Variants in PCDH15 observed in about 807,000 individuals in gnomAD.
PCDH15 encodes protocadherin-15.
A neutral mutation model predicts 178.5 loss-of-function variants in PCDH15; 129 were observed. The observed-to-expected ratio is 0.72, with a 90% CI of 0.63 to 0.84. PCDH15 has a LOEUF of 0.84. Ranked by LOEUF, PCDH15 falls within the 40% of genes least tolerant of loss-of-function variation. The pLI is 0.00. For missense variants in PCDH15, 2,230 were observed against 2,099.9 expected, an observed-to-expected ratio of 1.06 and a Z score of -1.21; for synonymous variants, 800 against 732.0, an observed-to-expected ratio of 1.09 and a Z score of -1.50.
chr10:54,899,784 C>T (rs1404215017), intron 2 of PCDH15, among the ~76,000 whole-genome samples: 1 of 152,024 alleles, frequency 6.6e-6, no homozygotes, highest in South Asian at 2.1e-4. Context: ...CATGAGCCAC[C>T]GTGCCCGACC....
At chr10:53,838,196 C>T (rs1390562469) in intron 29 of PCDH15, among the ~76,000 whole-genome samples, 2 of 151,794 alleles carry the variant, frequency 1.3e-5, no homozygotes, top group South Asian at 2.1e-4. Flanking sequence ...AGGATGGTCT[C>T]GATCTCCTGA....
chr10:54,449,431 T>C (rs1388619850), intron 3 of PCDH15, among the ~76,000 whole-genome samples: 1 of 151,748 alleles, frequency 6.6e-6, no homozygotes, highest in East Asian at 1.9e-4. Context: ...ACAGTTTTCT[T>C]GCTTGCTTCT....
chr10:55,216,900 G>T (rs1329391201), intron 1 of PCDH15, among the ~76,000 whole-genome samples: 3 of 151,734 alleles, frequency 2.0e-5, no homozygotes, highest in African/African-American at 7.3e-5. Flanking sequence ...TGTAAGTAAA[G>T]CTTGGTTTAT....
chr10:54,918,730 T>G (rs928136647), intron 2 of PCDH15, among the ~76,000 whole-genome samples: 1 of 152,124 alleles, frequency 6.6e-6, no homozygotes, highest in Non-Finnish European at 1.5e-5. Context: ...TAAAAATACT[T>G]GTATGTGTAA....
At chr10:53,853,348 C>T (rs2078516059) in intron 28 of PCDH15, among the ~76,000 whole-genome samples, 1 of 151,940 alleles carries the variant, frequency 6.6e-6, no homozygotes, top group Admixed American at 6.6e-5. Flanking sequence ...TGTTTTGTAA[C>T]ACTGGATTTG....
intron 21 of PCDH15, among the ~76,000 whole-genome samples, chr10:53,976,575 C>A (rs1002050102): frequency 6.6e-5 from 10 of 152,116 alleles, no homozygotes; most frequent in Admixed American, 3.9e-4. Flanking sequence ...CATCCACAAA[C>A]TACTCTATCA....
At chr10:55,281,465 C>T (rs897101906) in intron 1 of PCDH15, among the ~76,000 whole-genome samples, 15 of 151,718 alleles carry the variant, frequency 9.9e-5, no homozygotes, top group African/African-American at 3.4e-4. Context: ...TTACCATCTC[C>T]GACATGAGAA....
At chr10:54,162,544 T>G (rs984000237) in intron 13 of PCDH15, among the ~76,000 whole-genome samples, 1 of 152,194 alleles carries the variant, frequency 6.6e-6, no homozygotes, top group Non-Finnish European at 1.5e-5. Flanking sequence ...CATATTTTCC[T>G]CTGAGAGAAC....
At chr10:54,369,298 T>G (rs1947291192) in intron 4 of PCDH15, 23 bp from the exon 5 acceptor site, 2 of 1,609,012 alleles carry the variant, frequency 1.2e-6, no homozygotes. Context: ...AATTGCATCT[T>G]TTAAAATACT....
chr10:54,384,318 T>TC (rs34172941), intron 3 of PCDH15, among the ~76,000 whole-genome samples: 797 of 45,120 alleles, frequency 0.018, 4 homozygotes, highest in African/African-American at 0.044. Context: ...AAGCTGAAGA[T>TC]CCCCCCCCTT....
At chr10:54,863,155 A>G (rs1237667798) in intron 3 of PCDH15, among the ~76,000 whole-genome samples, 1 of 152,168 alleles carries the variant, frequency 6.6e-6, no homozygotes, top group Non-Finnish European at 1.5e-5. Flanking sequence ...ATGATGTTCT[A>G]TGATTAATTT....
At chr10:55,440,063 T>G (rs1433801573) in intron 2 of PCDH15, among the ~76,000 whole-genome samples, 6 of 152,146 alleles carry the variant, frequency 3.9e-5, no homozygotes, top group Non-Finnish European at 8.8e-5. Flanking sequence ...GACGAAAACT[T>G]GACGCTGTTA....
chr10:55,256,993 C>T (rs542890371), intron 1 of PCDH15, among the ~76,000 whole-genome samples: 1 of 152,302 alleles, frequency 6.6e-6, no homozygotes, highest in African/African-American at 2.4e-5. Flanking sequence ...CAGACTGACA[C>T]CTCACACTGC....
chr10:55,036,718 G>A (rs1483170258), intron 2 of PCDH15, among the ~76,000 whole-genome samples: 1 of 152,136 alleles, frequency 6.6e-6, no homozygotes, highest in Non-Finnish European at 1.5e-5. Flanking sequence ...TAACCAATGT[G>A]TAACTCTAGC....
chr10:55,400,510 T>G (rs1247918624), intron 2 of PCDH15, among the ~76,000 whole-genome samples: 2 of 152,118 alleles, frequency 1.3e-5, no homozygotes, highest in Non-Finnish European at 1.5e-5. Context: ...ATTTATGGCT[T>G]CTGTATTTGT....
chr10:55,086,900 A>G (rs1842184375), intron 2 of PCDH15, among the ~76,000 whole-genome samples: 1 of 152,058 alleles, frequency 6.6e-6, no homozygotes, highest in African/African-American at 2.4e-5. Context: ...GTACTTGTCT[A>G]TAGAAAATAC....
chr10:55,444,819 G>A (rs951702734), intron 2 of PCDH15, among the ~76,000 whole-genome samples: 1 of 152,040 alleles, frequency 6.6e-6, no homozygotes, highest in African/African-American at 2.4e-5. Flanking sequence ...TTGACAAATT[G>A]TTGAATCATA....
intron 1 of PCDH15, among the ~76,000 whole-genome samples, chr10:55,277,631 T>TTTG (rs941949415): frequency 9.9e-5 from 15 of 151,962 alleles, no homozygotes; most frequent in African/African-American, 3.6e-4. Context: ...ATGATCTAAG[T>TTTG]TTGTTGTTGT....
intron 15 of PCDH15, among the ~76,000 whole-genome samples, chr10:54,093,150 T>G (rs2094630128): frequency 6.6e-6 from 1 of 152,138 alleles, no homozygotes. Flanking sequence ...TTCTTCAGTT[T>G]TATTTGACCA....
Sources: allele counts gnomAD v4.1 joint callset (sites outside exome capture counted in the v4.1 genomes callset), GRCh38; gene constraint gnomAD v4.1.1; transcripts MANE v1.5; gene names NCBI Gene and HGNC (gene_info 2026-07-23, HGNC 2026-07-21).